The following RBFOX1 variants were observed in gnomAD, a reference collection of about 807,000 sequenced individuals.
RBFOX1 encodes the protein RNA binding protein fox-1 homolog 1.
In RBFOX1, 8 loss-of-function variants were observed where a neutral mutation model predicts 57.7. The observed-to-expected ratio is 0.14, with a 90% confidence interval of 0.08 to 0.25. The LOEUF (loss-of-function observed/expected upper bound fraction) is 0.25. Among genes scored for constraint, RBFOX1 ranks in the 10% least tolerant of loss-of-function variants. The pLI is 1.00. For synonymous variants in RBFOX1, 326 were observed against 222.4 expected (o/e 1.47, Z -4.15); for missense variants, 611 against 548.5 (o/e 1.11, Z -1.14).
chr16:7,125,902 G>A (rs1380025248), intron 4 of RBFOX1, among the ~76,000 whole-genome samples: 4 of 152,056 alleles, frequency 2.6e-5, no homozygotes, highest in Admixed American at 1.3e-4. Flanking sequence ...GGCCAACATG[G>A]CAAAACTCCA....
At chr16:5,645,502 T>C (rs2049024576) in intron 3 of RBFOX1, among the ~76,000 whole-genome samples, 1 of 152,228 alleles carries the variant, frequency 6.6e-6, no homozygotes, top group Non-Finnish European at 1.5e-5. Flanking sequence ...TAAATGCTTA[T>C]GAATATACTG....
chr16:6,764,530 G>A (rs1230103268), intron 3 of RBFOX1, among the ~76,000 whole-genome samples: 1 of 152,152 alleles, frequency 6.6e-6, no homozygotes, highest in Non-Finnish European at 1.5e-5. Flanking sequence ...CAATGTTGGA[G>A]CAACAACAGG....
chr16:5,529,571 A>AT (rs56190045), intron 2 of RBFOX1, among the ~76,000 whole-genome samples: 2,546 of 143,400 alleles, frequency 0.018, 35 homozygotes, highest in African/African-American at 0.035. Context: ...TCATTTATGT[A>AT]TTTTTTTTTT....
In RBFOX1 at chr16:7,462,521, G is replaced by A. The variant is rs1032375956; in HGVS notation, c.28-55626G>A. 4.6e-5 allele frequency among the ~76,000 whole-genome samples: 7 copies of A among 152,140 alleles called. No homozygotes were observed. The South Asian group carries it at 1.0e-3, about 22-fold the overall frequency. ...AAAAACAAAACAAACAAAAAAACCC[G>A]CCATGTATTATCTCACAGCTCTGTG... On this transcript the variant is annotated intron_variant, in intron 4 of 15. Coordinates refer to ENST00000550418, the MANE Select transcript of RBFOX1 (RefSeq NM_018723.4).
chr16:6,940,827 C>T (rs1461182458), intron 3 of RBFOX1, among the ~76,000 whole-genome samples: 4 of 132,792 alleles, frequency 3.0e-5, no homozygotes, highest in Non-Finnish European at 4.7e-5. Flanking sequence ...GGAGTACAGG[C>T]GCCTGCCACC....
At chr16:6,946,496 C>G (rs1000489785) in intron 3 of RBFOX1, among the ~76,000 whole-genome samples, 16 of 152,168 alleles carry the variant, frequency 1.1e-4, no homozygotes, top group African/African-American at 3.9e-4. Context: ...CTGTTTTCTC[C>G]TCCTTGTTTT....
At chr16:7,437,080 C>CA (rs1278311012) in intron 4 of RBFOX1, among the ~76,000 whole-genome samples, 2 of 152,098 alleles carry the variant, frequency 1.3e-5, no homozygotes, top group East Asian at 3.9e-4. Flanking sequence ...GACTCTGTCT[C>CA]AAAAAATCTC....
rs140198198 is a variant in RBFOX1 at position 5,655,774 on chromosome 16, A to G, written c.318+56813A>G. Among the ~76,000 whole-genome samples, 5 of 152,360 alleles carry G rather than the reference A, an allele frequency of 3.3e-5. No homozygotes were observed. The East Asian group carries it at 5.8e-4, about 18-fold the overall frequency. On this transcript the variant is annotated intron_variant, in intron 3 of 19. Coordinates refer to the RBFOX1 transcript ENST00000641259. ...CTTGTTGGAAAGCGAAAATAGCCCT[A>G]CACTTTGACTTTGCCAGCAGTATGA...
chr16:7,486,960 C>T (rs948431173), intron 4 of RBFOX1, among the ~76,000 whole-genome samples: 2 of 152,164 alleles, frequency 1.3e-5, no homozygotes, highest in Admixed American at 6.5e-5. Context: ...AGTACAGTGG[C>T]ACAATCTCGG....
At chr16:7,324,690 C>G (rs556791399) in intron 4 of RBFOX1, among the ~76,000 whole-genome samples, 2 of 152,170 alleles carry the variant, frequency 1.3e-5, no homozygotes, top group South Asian at 4.1e-4. Context: ...GCTGCCTGAA[C>G]CACTGGGGAT....
chr16:5,690,293 A>T (rs1030669552), intron 3 of RBFOX1, among the ~76,000 whole-genome samples: 1 of 152,218 alleles, frequency 6.6e-6, no homozygotes, highest in Non-Finnish European at 1.5e-5. Flanking sequence ...CTTCTGTATG[A>T]TGGATTGCAT....
chr16:6,451,306 A>T, intron 2 of RBFOX1, among the ~76,000 whole-genome samples: 1 of 152,152 alleles, frequency 6.6e-6, no homozygotes, highest in Non-Finnish European at 1.5e-5. Context: ...AAGTATCAAC[A>T]TTAGGAATAG....
intron 1 of RBFOX1, among the ~76,000 whole-genome samples, chr16:5,253,992 TA>T (rs1567238905): frequency 4.6e-5 from 3 of 64,966 alleles, no homozygotes; most frequent in Admixed American, 1.5e-4. Flanking sequence ...TGGTAGACAC[TA>T]GCTCAGGTAC....
At chr16:6,250,825 A>C (rs556094854) in intron 1 of RBFOX1, among the ~76,000 whole-genome samples, 2 of 152,306 alleles carry the variant, frequency 1.3e-5, no homozygotes, top group African/African-American at 2.4e-5. Context: ...AGTATATTTG[A>C]ATGTGAACTG....
chr16:7,529,828 G>C (rs1033349090), intron 5 of RBFOX1, among the ~76,000 whole-genome samples: 1 of 151,970 alleles, frequency 6.6e-6, no homozygotes, highest in African/African-American at 2.4e-5. Context: ...AGTCAACCTA[G>C]TGAAACCCCG....
At chr16:7,173,151 C>G (rs1487089058) in intron 4 of RBFOX1, among the ~76,000 whole-genome samples, 3 of 152,100 alleles carry the variant, frequency 2.0e-5, no homozygotes. Flanking sequence ...ATCTTATTTT[C>G]TTGACTTATA....
At chr16:5,799,738 T>C (rs1597304578) in intron 3 of RBFOX1, among the ~76,000 whole-genome samples, 1 of 152,324 alleles carries the variant, frequency 6.6e-6, no homozygotes, top group East Asian at 1.9e-4. Context: ...AACAATATTT[T>C]CAACATACAA....
At chr16:7,546,377 A>G (rs532584655) in intron 5 of RBFOX1, among the ~76,000 whole-genome samples, 1 of 92,132 alleles carries the variant, frequency 1.1e-5, no homozygotes, top group Non-Finnish European at 2.5e-5. Flanking sequence ...ATAAAATAAA[A>G]TAATAAAATA....
chr16:7,463,570 T>C (rs1379128841), intron 4 of RBFOX1, among the ~76,000 whole-genome samples: 2 of 152,158 alleles, frequency 1.3e-5, no homozygotes, highest in African/African-American at 2.4e-5. Flanking sequence ...ATCACCTCCT[T>C]AAGGCCCCGT....
Sources: allele counts gnomAD v4.1 joint callset (sites outside exome capture counted in the v4.1 genomes callset), GRCh38; gene constraint gnomAD v4.1.1; transcripts MANE v1.5; gene names NCBI Gene and HGNC (gene_info 2026-07-23, HGNC 2026-07-21).